Variants in PIK3AP1 observed in about 807,000 individuals in gnomAD.
PIK3AP1 encodes phosphoinositide 3-kinase adapter protein 1.
In PIK3AP1, 21 loss-of-function variants were observed where a neutral mutation model predicts 88.1. That is an observed-to-expected ratio of 0.24 (90% confidence interval 0.17 to 0.34). The LOEUF (loss-of-function observed/expected upper bound fraction) is 0.34, where lower values mean the gene tolerates loss of function less well. PIK3AP1 is among the 10% of genes least tolerant of loss of function. PIK3AP1 has a pLI of 1.00. For synonymous variants in PIK3AP1, 398 were observed against 400.0 expected (o/e 1.00, Z 0.06); for missense variants, 828 against 1,035.7 (o/e 0.80, Z 2.75).
At chr10:96,665,994 G>A (rs901188235) in intron 2 of PIK3AP1, among the ~76,000 whole-genome samples, 1 of 152,116 alleles carries the variant, frequency 6.6e-6, no homozygotes, top group Non-Finnish European at 1.5e-5. Flanking sequence ...CAAAATGAAC[G>A]TGGTCGATTT....
At chr10:96,672,222 G>C (rs1002922422) in intron 2 of PIK3AP1, among the ~76,000 whole-genome samples, 1 of 152,178 alleles carries the variant, frequency 6.6e-6, no homozygotes, top group Non-Finnish European at 1.5e-5. Context: ...ATATGCAATC[G>C]TTTTGCCATC....
chr10:96,598,303 T>C (rs1269792771), intron 16 of PIK3AP1, among the ~76,000 whole-genome samples: 3 of 152,018 alleles, frequency 2.0e-5, no homozygotes, highest in African/African-American at 7.2e-5. Flanking sequence ...CCTCCCTCCC[T>C]GCCTCAGCCT....
At chr10:96,705,317 G>C (rs993175315) in intron 2 of PIK3AP1, among the ~76,000 whole-genome samples, 3 of 152,046 alleles carry the variant, frequency 2.0e-5, no homozygotes, top group Admixed American at 6.6e-5. Flanking sequence ...TGATCAAAAG[G>C]CTGTAAAGGT....
At chr10:96,612,671 G>A (rs1329739893) in intron 13 of PIK3AP1, among the ~76,000 whole-genome samples, 1 of 151,890 alleles carries the variant, frequency 6.6e-6, no homozygotes, top group Non-Finnish European at 1.5e-5. Context: ...GCTGTTTCTC[G>A]TAGCAGAATG....
chr10:96,628,873 CACATAT>C (rs1302064427), intron 8 of PIK3AP1, among the ~76,000 whole-genome samples: 10 of 22,534 alleles, frequency 4.4e-4, no homozygotes, highest in Middle Eastern at 0.024. Flanking sequence ...CACATATATA[CACATAT>C]ATATATATAC....
chr10:96,654,098 G>C (rs1159106196), intron 3 of PIK3AP1, among the ~76,000 whole-genome samples: 2 of 152,024 alleles, frequency 1.3e-5, no homozygotes, highest in Non-Finnish European at 2.9e-5. Context: ...AGCCCTCCTG[G>C]GCTCTGCTCT....
At chr10:96,683,947 G>T (rs147382916) in intron 2 of PIK3AP1, among the ~76,000 whole-genome samples, 15 of 152,246 alleles carry the variant, frequency 9.9e-5, no homozygotes, top group Admixed American at 7.8e-4. Flanking sequence ...ACTCCAGTCT[G>T]GACACTTGAA....
chr10:96,651,930 C>T (rs1843544542), intron 4 of PIK3AP1, among the ~76,000 whole-genome samples: 1 of 152,132 alleles, frequency 6.6e-6, no homozygotes, highest in Admixed American at 6.5e-5. Flanking sequence ...CTACTGTAGG[C>T]CCAGTGCCTC....
At chr10:96,604,463 G>C (rs148879249) in intron 14 of PIK3AP1, among the ~76,000 whole-genome samples, 1 of 144,896 alleles carries the variant, frequency 6.9e-6, no homozygotes, top group African/African-American at 2.6e-5. Flanking sequence ...CTCTCAAAGT[G>C]CTAGAATTAC....
At chr10:96,663,747 T>C (rs1157574852) in intron 2 of PIK3AP1, among the ~76,000 whole-genome samples, 1 of 151,082 alleles carries the variant, frequency 6.6e-6, no homozygotes. Context: ...TCACGAAATC[T>C]CTTTTAAAAT....
At chr10:96,609,030 T>C (rs1355538430) in intron 14 of PIK3AP1, among the ~76,000 whole-genome samples, 1 of 152,232 alleles carries the variant, frequency 6.6e-6, no homozygotes, top group Non-Finnish European at 1.5e-5. Flanking sequence ...CATCAGGCTG[T>C]ATTGTCTGTG....
intron 2 of PIK3AP1, among the ~76,000 whole-genome samples, chr10:96,672,482 G>C (rs1440453973): frequency 1.3e-5 from 2 of 152,162 alleles, no homozygotes; most frequent in Non-Finnish European, 2.9e-5. Flanking sequence ...AGGCCTCTAA[G>C]ACTTTTATCC....
At chr10:96,676,829 A>G (rs1050827570) in intron 2 of PIK3AP1, among the ~76,000 whole-genome samples, 4 of 152,114 alleles carry the variant, frequency 2.6e-5, no homozygotes, top group African/African-American at 9.7e-5. Flanking sequence ...AGGGAGTTTT[A>G]AGTTTCCGTA....
At chr10:96,620,302 T>C (rs776835889) in intron 12 of PIK3AP1, 50 bp downstream of exon 12, 21 of 1,586,370 alleles carry the variant, frequency 1.3e-5, no homozygotes, top group Admixed American at 1.7e-5. Flanking sequence ...CCTCCTCTAC[T>C]GTCAAGTGGG....
chr10:96,669,784 A>C (rs1026197924), intron 2 of PIK3AP1, among the ~76,000 whole-genome samples: 2 of 139,158 alleles, frequency 1.4e-5, no homozygotes, highest in Non-Finnish European at 2.9e-5. Flanking sequence ...AACAAACAAA[A>C]AAAAAACCAG....
chr10:96,609,460 T>G (rs1849064417), intron 14 of PIK3AP1, among the ~76,000 whole-genome samples: 1 of 152,240 alleles, frequency 6.6e-6, no homozygotes, highest in Non-Finnish European at 1.5e-5. Flanking sequence ...TCAATAAATG[T>G]TACCTATTAG....
chr10:96,603,312 G>C (rs1471187682), intron 15 of PIK3AP1, among the ~76,000 whole-genome samples: 1 of 152,154 alleles, frequency 6.6e-6, no homozygotes, highest in Non-Finnish European at 1.5e-5. Context: ...GGTGAATACT[G>C]ACTATCAACT....
At chr10:96,663,782 T>C (rs1345179794) in intron 2 of PIK3AP1, among the ~76,000 whole-genome samples, 2 of 151,846 alleles carry the variant, frequency 1.3e-5, no homozygotes, top group African/African-American at 4.8e-5. Context: ...AAGAAGACAA[T>C]TCATAAAAGA....
At chr10:96,671,418 G>A (rs508271) in intron 2 of PIK3AP1, among the ~76,000 whole-genome samples, 3,091 of 152,106 alleles carry the variant, frequency 0.02, 73 homozygotes, top group African/African-American at 0.043. Context: ...TGAATTTCCC[G>A]TCCAACTAAC....
Sources: gnomAD v4.1 joint callset for allele counts (sites outside exome capture counted in the v4.1 genomes callset) on GRCh38, gnomAD v4.1.1 for gene constraint, MANE v1.5 for transcripts, NCBI Gene and HGNC (gene_info 2026-07-23, HGNC 2026-07-21) for gene names.